Variants in PDZRN3 observed in about 807,000 individuals in gnomAD.
PDZRN3 encodes E3 ubiquitin-protein ligase PDZRN3.
PDZRN3 carries 38 observed loss-of-function variants against 85.7 expected under a neutral mutation model. The observed-to-expected ratio is 0.44, with a 90% CI of 0.34 to 0.58. The LOEUF (loss-of-function observed/expected upper bound fraction) is 0.58, where lower values mean the gene tolerates loss of function less well. Ranked by LOEUF, PDZRN3 falls within the 20% of genes least tolerant of loss-of-function variation. The pLI, the probability that PDZRN3 is intolerant of heterozygous loss-of-function variation, is 0.01. For synonymous variants in PDZRN3, 759 were observed against 638.0 expected (o/e 1.19, Z -2.86); for missense variants, 1,629 against 1,506.4 (o/e 1.08, Z -1.35).
At chr3:73,414,090 T>TTAC (rs1159607853) in intron 3 of PDZRN3, among the ~76,000 whole-genome samples, 1 of 152,076 alleles carries the variant, frequency 6.6e-6, no homozygotes, top group African/African-American at 2.4e-5. Context: ...CATAAAAAAA[T>TTAC]AGTACAGTTA....
At chr3:73,540,970 A>C (rs1704906997) in intron 3 of PDZRN3, among the ~76,000 whole-genome samples, 1 of 152,224 alleles carries the variant, frequency 6.6e-6, no homozygotes, top group Non-Finnish European at 1.5e-5. Flanking sequence ...ACTATACCTT[A>C]CTGTTACAAA....
At chr3:73,532,424 C>G (rs1335553286) in intron 3 of PDZRN3, among the ~76,000 whole-genome samples, 2 of 152,212 alleles carry the variant, frequency 1.3e-5, no homozygotes, top group Non-Finnish European at 2.9e-5. Flanking sequence ...ATAATAATTT[C>G]CATCTCTCCA....
chr3:73,439,500 C>A (rs1702592486), intron 3 of PDZRN3, among the ~76,000 whole-genome samples: 1 of 152,176 alleles, frequency 6.6e-6, no homozygotes, highest in Admixed American at 6.5e-5. Flanking sequence ...GTCAAAGTGA[C>A]TTTTCAACAG....
chr3:73,456,184 ATGTGTGTGTGTGTGTGTG>A (rs10608893), intron 3 of PDZRN3, among the ~76,000 whole-genome samples: 3 of 150,644 alleles, frequency 2.0e-5, no homozygotes, highest in Non-Finnish European at 4.5e-5. Flanking sequence ...GAGAAGAAAA[ATGTGTGTGTGTGTGTGTG>A]TGTGTGTGTG....
At chr3:73,440,763 G>A (rs1369114294) in intron 3 of PDZRN3, among the ~76,000 whole-genome samples, 1 of 152,226 alleles carries the variant, frequency 6.6e-6, no homozygotes, top group Admixed American at 6.5e-5. Context: ...GGATGGGACA[G>A]GGAAGTGTAG....
At chr3:73,471,869 A>T (rs1248224774) in intron 3 of PDZRN3, among the ~76,000 whole-genome samples, 1 of 152,246 alleles carries the variant, frequency 6.6e-6, no homozygotes, top group African/African-American at 2.4e-5. Flanking sequence ...ACAGCTATAT[A>T]AATGGGTCCA....
Position 73,553,542 on chromosome 3 carries a change from C to G in PDZRN3, c.918+48812G>C, listed in dbSNP as rs143979112. 6.0e-3 allele frequency among the ~76,000 whole-genome samples: 913 copies of G among 151,128 alleles called. 6 individuals are homozygous for G. Among genetic ancestry groups the G allele is most frequent in the African/African-American group, 0.021 (877 of 41,196 alleles). On this transcript the variant is annotated intron_variant, in intron 3 of 9. Coordinates refer to ENST00000263666, the MANE Select transcript of PDZRN3 (RefSeq NM_015009.3). ...AGTGAGCCGAGATGGCACCATTGCACTCCAGCCTGGGTGTGACAGAGTAAG... is the reference window on the plus strand; with the variant it reads ...AGTGAGCCGAGATGGCACCATTGCAGTCCAGCCTGGGTGTGACAGAGTAAG...
At chr3:73,447,750 G>A (rs1702779361) in intron 3 of PDZRN3, among the ~76,000 whole-genome samples, 1 of 152,132 alleles carries the variant, frequency 6.6e-6, no homozygotes, top group Admixed American at 6.5e-5. Flanking sequence ...CTGAGATGTG[G>A]CCCCAGCCTT....
At chr3:73,532,966 A>C (rs915825330) in intron 3 of PDZRN3, among the ~76,000 whole-genome samples, 1 of 152,242 alleles carries the variant, frequency 6.6e-6, no homozygotes, top group Non-Finnish European at 1.5e-5. Flanking sequence ...CTGCATTCGC[A>C]AACAAATCTG....
chr3:73,416,903 T>TTTTTG (rs1702101968), intron 3 of PDZRN3, among the ~76,000 whole-genome samples: 2 of 147,056 alleles, frequency 1.4e-5, no homozygotes, highest in African/African-American at 5.1e-5. Context: ...TTTTTTTTTT[T>TTTTTG]TTTTTTGAGA....
At chr3:73,475,923 G>A (rs6784863) in intron 3 of PDZRN3, among the ~76,000 whole-genome samples, 20,130 of 152,190 alleles carry the variant, frequency 0.13, 2,617 homozygotes, top group African/African-American at 0.34. Flanking sequence ...GCACCTACCC[G>A]CAAAATGTAC....
intron 3 of PDZRN3, among the ~76,000 whole-genome samples, chr3:73,476,199 T>G (rs1703445751): frequency 6.6e-6 from 1 of 152,092 alleles, no homozygotes; most frequent in Admixed American, 6.6e-5. Flanking sequence ...GAAAAGAGGT[T>G]TAATTGGCCC....
At chr3:73,488,660 G>A (rs1415599980) in intron 3 of PDZRN3, among the ~76,000 whole-genome samples, 1 of 152,214 alleles carries the variant, frequency 6.6e-6, no homozygotes, top group Non-Finnish European at 1.5e-5. Context: ...TATATTCATA[G>A]GTAAGGGGAG....
At chr3:73,400,419 TAAG>T (rs1252154036) in intron 5 of PDZRN3, among the ~76,000 whole-genome samples, 1 of 152,204 alleles carries the variant, frequency 6.6e-6, no homozygotes, top group Non-Finnish European at 1.5e-5. Context: ...AAATAACACT[TAAG>T]AAGAGTTGCA....
At chr3:73,589,070 C>T (rs1559750091) in intron 3 of PDZRN3, among the ~76,000 whole-genome samples, 1 of 147,292 alleles carries the variant, frequency 6.8e-6, no homozygotes, top group African/African-American at 2.5e-5. Context: ...TTTTTTGAGA[C>T]AGAGTCTCGT....
intron 3 of PDZRN3, among the ~76,000 whole-genome samples, chr3:73,590,435 G>T (rs1055880837): frequency 4.6e-5 from 7 of 152,136 alleles, no homozygotes; most frequent in African/African-American, 1.7e-4. Flanking sequence ...GGCACTTAGT[G>T]CCCTTCCTCT....
rs187569229 is a variant in PDZRN3 at position 73,570,515 on chromosome 3, G to C, written c.918+31839C>G. Among the ~76,000 whole-genome samples the C allele has an allele frequency of 2.0e-5, 3 of 152,192 alleles. No homozygotes were observed. In the East Asian group the frequency reaches 5.8e-4, roughly 29 times the overall value. On this transcript the variant is annotated intron_variant, in intron 3 of 9. Transcript: ENST00000263666. ...ATATCCCCAGATATGTAATAAATGCGGCATTAACCCACATGCTCACTTACT... is the reference window on the plus strand; with the variant it reads ...ATATCCCCAGATATGTAATAAATGCCGCATTAACCCACATGCTCACTTACT...
chr3:73,423,882 T>G (rs138849167), intron 3 of PDZRN3, among the ~76,000 whole-genome samples: 2 of 152,166 alleles, frequency 1.3e-5, no homozygotes. Context: ...ATTTCTAAGA[T>G]ACACGTATGG....
At chr3:73,616,574 G>C (rs1019079503) in intron 1 of PDZRN3, among the ~76,000 whole-genome samples, 4 of 152,140 alleles carry the variant, frequency 2.6e-5, no homozygotes, top group African/African-American at 9.7e-5. Flanking sequence ...CCAGAGAATG[G>C]GTTACTCAGG....
Sources: gnomAD v4.1 joint callset for allele counts (sites outside exome capture counted in the v4.1 genomes callset) on GRCh38, gnomAD v4.1.1 for gene constraint, MANE v1.5 for transcripts, NCBI Gene and HGNC (gene_info 2026-07-23, HGNC 2026-07-21) for gene names.